RYR2: variants seen among roughly 807,000 people sequenced by gnomAD.
The protein encoded by RYR2 is cardiac muscle ryanodine receptor-calcium release channel.
Under a neutral mutation model 601.1 loss-of-function variants are expected in RYR2, and 227 were observed. The ratio of observed to expected loss-of-function variants is 0.38; its 90% CI spans 0.34 to 0.42. The LOEUF (loss-of-function observed/expected upper bound fraction) is 0.42. Among genes scored for constraint, RYR2 ranks in the 10% least tolerant of loss-of-function variants. RYR2 has a pLI of 1.00. For missense variants in RYR2, 4,646 were observed against 6,156.5 expected (o/e 0.75, Z 8.21); for synonymous variants, 2,223 against 2,175.1 (o/e 1.02, Z -0.61).
intron 12 of RYR2, 39 bp downstream of exon 12, chr1:237,423,287 C>A: frequency 1.3e-6 from 2 of 1,591,064 alleles, no homozygotes; most frequent in Non-Finnish European, 1.7e-6. Flanking sequence ...ATAAATGTTA[C>A]CCGGTCATAT....
intron 10 of RYR2, among the ~76,000 whole-genome samples, chr1:237,398,517 A>G (rs1703060666): frequency 1.3e-5 from 2 of 152,244 alleles, no homozygotes; most frequent in African/African-American, 4.8e-5. Context: ...GTTCAGCATT[A>G]TGACCCATTA....
At chr1:237,466,695 G>A (rs1179242881) in intron 16 of RYR2, among the ~76,000 whole-genome samples, 4 of 151,604 alleles carry the variant, frequency 2.6e-5, no homozygotes, top group South Asian at 2.1e-4. Context: ...TTCAAAAGAC[G>A]TATTTACCAT....
rs1168451624 is a variant in RYR2 at position 237,077,431 on chromosome 1, A to G, written c.48+34862A>G. The stretch of plus-strand genomic sequence containing the variant: ...GCTCAAAATAAAAGGATGGAGGAAG[A>G]TCTACTAAGCCAATGGAAAACAAAA... On this transcript the variant is annotated intron_variant, in intron 1 of 104. Coordinates refer to ENST00000366574, the MANE Select transcript of RYR2 (RefSeq NM_001035.3). 7.0e-4 allele frequency among the ~76,000 whole-genome samples: 92 copies of G among 131,544 alleles called. No individual in the cohort carries two copies. In the South Asian group the frequency reaches 7.3e-3, roughly 10 times the overall value. 86.3% of individuals were successfully genotyped at this position (131,544 alleles called of 152,430 possible). A position where few individuals can be genotyped will look rare whatever the true frequency, so the allele number is the denominator to read the frequency against.
chr1:237,205,593 C>T (rs1409230577), intron 1 of RYR2, among the ~76,000 whole-genome samples: 1 of 152,194 alleles, frequency 6.6e-6, no homozygotes, highest in Non-Finnish European at 1.5e-5. Flanking sequence ...GGGCTGGCAC[C>T]CAGGCTGGTG....
intron 1 of RYR2, among the ~76,000 whole-genome samples, chr1:237,238,378 C>T (rs1031496159): frequency 2.0e-5 from 3 of 152,166 alleles, no homozygotes; most frequent in Admixed American, 2.0e-4. Context: ...CCAAAGTATA[C>T]CTTACATGTA....
chr1:237,247,319 A>C (rs774588512), intron 1 of RYR2, among the ~76,000 whole-genome samples: 10 of 152,160 alleles, frequency 6.6e-5, no homozygotes, highest in Non-Finnish European at 1.5e-4. Flanking sequence ...TTTTCTTGTC[A>C]TTTCCTTTTG....
chr1:237,105,025 G>T (rs145875984), intron 1 of RYR2, among the ~76,000 whole-genome samples: 2,061 of 152,304 alleles, frequency 0.014, 17 homozygotes, highest in Non-Finnish European at 0.023. Context: ...GTGCAGAAAG[G>T]CCTTCTAGAA....
chr1:237,632,995 G>A lies in RYR2; in HGVS notation c.6556-583G>A, dbSNP rs144151844. Among the ~76,000 whole-genome samples, 89 of 152,164 alleles carry A rather than the reference G, an allele frequency of 5.8e-4. 1 individual carries two copies. In the East Asian group the frequency reaches 0.016, roughly 28 times the overall value. On this transcript the variant is annotated intron_variant, in intron 42 of 104. Coordinates refer to ENST00000366574, the MANE Select transcript of RYR2 (RefSeq NM_001035.3). ...AAACTATGATAATATTTGGTCTCAA[G>A]GAAGATGTGTTTGGTGGGGTCAAAC... is the stretch of plus-strand genomic sequence containing the variant.
At position 237,355,973 on chromosome 1, in the gene RYR2, T is replaced by C; in HGVS notation, c.282T>C (p.Asp94=). 6.2e-7 allele frequency: 1 copy of C among 1,606,376 alleles called. No homozygotes were observed. The highest frequency in any genetic ancestry group is 8.5e-7 in the Non-Finnish European group (1 of 1,175,868). The change falls in exon 4 of 105, where the codon GAT becomes GAC. Residue 94 remains aspartate (D), a synonymous_variant. Transcript: ENST00000366574. ...GCTTTTTCTTTCCACAGCAAGTTGA[T>C]GTGGAAAAATGGGTATGTGTTTCCA... The part of the protein sequence containing the change: ...NTVEKSEGQV[D]VEKWKFMMKT...
At chr1:237,440,882 C>T (rs375526595) in intron 12 of RYR2, among the ~76,000 whole-genome samples, 18 of 151,602 alleles carry the variant, frequency 1.2e-4, no homozygotes, top group African/African-American at 4.1e-4. Context: ...GATGAGAAAA[C>T]TGAGGCTTAA....
intron 11 of RYR2, among the ~76,000 whole-genome samples, chr1:237,418,441 C>G (rs1421602945): frequency 6.6e-6 from 1 of 152,166 alleles, no homozygotes; most frequent in East Asian, 1.9e-4. Context: ...GCTCCTGTGT[C>G]CCATGCAATG....
intron 1 of RYR2, among the ~76,000 whole-genome samples, chr1:237,196,503 G>T (rs1335721285): frequency 6.6e-6 from 1 of 152,006 alleles, no homozygotes; most frequent in East Asian, 1.9e-4. Flanking sequence ...ACTCCACTTA[G>T]AATTTATTTG....
intron 14 of RYR2, among the ~76,000 whole-genome samples, chr1:237,454,028 A>G (rs1658501928): frequency 6.6e-6 from 1 of 152,164 alleles, no homozygotes; most frequent in Non-Finnish European, 1.5e-5. Context: ...CCACAAGGAA[A>G]TGTCAGAATT....
At chr1:237,327,834 A>AT (rs1028005808) in intron 2 of RYR2, among the ~76,000 whole-genome samples, 6 of 151,994 alleles carry the variant, frequency 3.9e-5, no homozygotes, top group African/African-American at 9.7e-5. Context: ...TTATTATCCA[A>AT]TTTTTTTTAG....
intron 1 of RYR2, among the ~76,000 whole-genome samples, chr1:237,258,789 A>C (rs1376470052): frequency 6.6e-6 from 1 of 152,146 alleles, no homozygotes; most frequent in Non-Finnish European, 1.5e-5. Flanking sequence ...TAAGGCGTTA[A>C]TTTAGAGTTT....
chr1:237,629,128 G>A (rs996858048), intron 41 of RYR2, among the ~76,000 whole-genome samples: 10 of 151,966 alleles, frequency 6.6e-5, no homozygotes, highest in African/African-American at 1.9e-4. Context: ...GATGCAACAC[G>A]TTTTTTTGAG....
rs1308679227 is a variant in RYR2 at position 237,536,758 on chromosome 1, C to T, written c.2906+6248C>T. 5.6e-3 allele frequency among the ~76,000 whole-genome samples: 761 copies of T among 134,788 alleles called. 14 individuals are homozygous for T. Among genetic ancestry groups the T allele is most frequent in the African/African-American group, 0.02 (705 of 34,908 alleles). The allele number at this position is 134,788 out of a possible 152,430, so 88.4% of individuals were successfully genotyped here. A position where few individuals can be genotyped will look rare whatever the true frequency, so the allele number is the denominator to read the frequency against. On this transcript the variant is annotated intron_variant, in intron 25 of 104. Coordinates refer to ENST00000366574, the MANE Select transcript of RYR2 (RefSeq NM_001035.3). ...AAAATTAGCCGGGCATGGTGGCAGG[C>T]GCCTGTAGTCCCAGCTACTAGGGAG...
chr1:237,472,361 A>C (rs535188071), intron 17 of RYR2, among the ~76,000 whole-genome samples: 1 of 152,120 alleles, frequency 6.6e-6, no homozygotes, highest in Non-Finnish European at 1.5e-5. Flanking sequence ...AGTAGGGTTA[A>C]TTGTCTTCCT....
chr1:237,107,317 C>T (rs557766073), intron 1 of RYR2, among the ~76,000 whole-genome samples: 121 of 151,184 alleles, frequency 8.0e-4, no homozygotes, highest in East Asian at 2.2e-3. Flanking sequence ...GTCAGGAGAT[C>T]GAGACCATCC....
Sources: gnomAD v4.1 joint callset for allele counts (sites outside exome capture counted in the v4.1 genomes callset) on GRCh38, gnomAD v4.1.1 for gene constraint, MANE v1.5 for transcripts, NCBI Gene and HGNC (gene_info 2026-07-23, HGNC 2026-07-21) for gene names.